Variants in PTPRK observed in about 807,000 individuals in gnomAD.
The protein encoded by PTPRK is protein tyrosine phosphatase receptor type K.
In PTPRK, 75 loss-of-function variants were observed where a neutral mutation model predicts 178.0. The observed-to-expected ratio is 0.42, with a 90% CI of 0.35 to 0.51. The LOEUF is 0.51. Ranked by LOEUF, PTPRK falls within the 20% of genes least tolerant of loss-of-function variation. PTPRK has a pLI of 0.02. For missense variants in PTPRK, 1,441 were observed against 1,797.8 expected, an observed-to-expected ratio of 0.80 and a Z score of 3.59; for synonymous variants, 637 against 620.6, an observed-to-expected ratio of 1.03 and a Z score of -0.39.
intron 2 of PTPRK, among the ~76,000 whole-genome samples, chr6:128,347,347 C>A (rs564721935): frequency 6.6e-6 from 1 of 152,048 alleles, no homozygotes; most frequent in Non-Finnish European, 1.5e-5. Flanking sequence ...CTATTTATAC[C>A]TTCTCTCTTA....
At chr6:127,975,775 G>A (rs537003914) in intron 27 of PTPRK, among the ~76,000 whole-genome samples, 5 of 152,110 alleles carry the variant, frequency 3.3e-5, no homozygotes, top group African/African-American at 4.8e-5. Flanking sequence ...GGGTTCAAAT[G>A]ATTCTGCTGC....
chr6:128,106,576 C>T (rs1475153708), intron 7 of PTPRK, among the ~76,000 whole-genome samples: 1 of 151,544 alleles, frequency 6.6e-6, no homozygotes, highest in Non-Finnish European at 1.5e-5. Context: ...GAAAACTACA[C>T]AAAAGAATAG....
At chr6:128,057,101 T>A (rs1448470433) in intron 13 of PTPRK, among the ~76,000 whole-genome samples, 1 of 152,206 alleles carries the variant, frequency 6.6e-6, no homozygotes, top group Non-Finnish European at 1.5e-5. Context: ...GTCCTTAAAT[T>A]ATCCCTCAGA....
At chr6:128,034,061 C>G (rs1055077608) in intron 13 of PTPRK, among the ~76,000 whole-genome samples, 3 of 152,176 alleles carry the variant, frequency 2.0e-5, no homozygotes, top group African/African-American at 7.2e-5. Flanking sequence ...CTTCTTGAAT[C>G]CAGACTGGTC....
intron 4 of PTPRK, among the ~76,000 whole-genome samples, chr6:128,242,238 C>A (rs374044179): frequency 1.3e-3 from 195 of 152,180 alleles, no homozygotes; most frequent in Non-Finnish European, 2.4e-3. Flanking sequence ...AAAAAATGAA[C>A]AAGTCCTACT....
At chr6:128,468,112 G>A (rs541861723) in intron 1 of PTPRK, among the ~76,000 whole-genome samples, 78 of 152,228 alleles carry the variant, frequency 5.1e-4, no homozygotes, top group Non-Finnish European at 9.3e-4. Flanking sequence ...CTCGCACAAC[G>A]CGTGGCAATT....
intron 1 of PTPRK, among the ~76,000 whole-genome samples, chr6:128,518,038 A>G (rs1858353270): frequency 6.6e-6 from 1 of 152,228 alleles, no homozygotes; most frequent in African/African-American, 2.4e-5. Flanking sequence ...AGCCAGAAAA[A>G]AAAGGAAGTA....
chr6:128,478,118 G>C (rs1851600722), intron 1 of PTPRK, among the ~76,000 whole-genome samples: 1 of 152,136 alleles, frequency 6.6e-6, no homozygotes, highest in Non-Finnish European at 1.5e-5. Flanking sequence ...TTTGGAGATA[G>C]TGTTCTGATA....
chr6:128,280,215 T>C (rs1431938835), intron 3 of PTPRK, among the ~76,000 whole-genome samples: 1 of 152,144 alleles, frequency 6.6e-6, no homozygotes, highest in Non-Finnish European at 1.5e-5. Flanking sequence ...ATCAAGCTTC[T>C]TGGTAACCAG....
chr6:127,999,807 C>T (rs1411830872), intron 15 of PTPRK: 1 of 275,226 alleles, frequency 3.6e-6, no homozygotes, highest in Non-Finnish European at 5.5e-6. Context: ...ATTCCTAGTG[C>T]CTGATGCATA....
rs977644978 is a variant in PTPRK, at chr6:128,089,675, A to G, written c.1465+15T>C. ...AGAGAATTCCCCCCTTTTAAACAGC[A>G]AAGTATGAGCATACCATCTTCATCA... On this transcript the variant is annotated intron_variant, in intron 8 of 29. Coordinates refer to ENST00000368226, the MANE Select transcript of PTPRK (RefSeq NM_002844.4). 6 of 1,586,856 alleles carry G rather than the reference A, an allele frequency of 3.8e-6. No individual in the cohort carries two copies. Among genetic ancestry groups the G allele is most frequent in the Non-Finnish European group, 5.2e-6 (6 of 1,155,978 alleles).
intron 10 of PTPRK, among the ~76,000 whole-genome samples, chr6:128,080,341 C>T (rs1006840629): frequency 4.6e-5 from 7 of 151,846 alleles, no homozygotes; most frequent in South Asian, 2.1e-4. Flanking sequence ...GACTTCATCC[C>T]GCTGATTATA....
intron 1 of PTPRK, among the ~76,000 whole-genome samples, chr6:128,409,122 G>T (rs73589563): frequency 0.027 from 4,052 of 152,234 alleles, 164 homozygotes; most frequent in African/African-American, 0.093. Flanking sequence ...CAATTTAGTG[G>T]ATTAAGAAAA....
In PTPRK at chr6:128,322,110, T is replaced by C. The variant is rs771903608; in HGVS notation, c.424A>G (p.Thr142Ala). The change falls in exon 3 of 30, where the codon ACT (threonine) becomes GCT (alanine). Residue 142 changes from threonine (T) to alanine (A), a missense_variant. Around this residue, in one of 4 missense-constraint regions of PTPRK, gnomAD observed 158 missense variants for 188.0 expected, o/e 0.84. Transcript: ENST00000368226. ...GPLANPIWNV[T>A]GFTGRDWLRA... ...AGCCAATCTCTACCCGTGAATCCAG[T>C]CACATTCCAAATTGGATTGGCAAGA... is the stretch of plus-strand genomic sequence containing the variant. 7 of 1,613,946 alleles carry C rather than the reference T, an allele frequency of 4.3e-6. 1 individual carries two copies. In the South Asian group the frequency reaches 5.5e-5, roughly 13 times the overall value.
chr6:128,396,970 C>A (rs1202041692), intron 2 of PTPRK, among the ~76,000 whole-genome samples: 1 of 152,140 alleles, frequency 6.6e-6, no homozygotes, highest in South Asian at 2.1e-4. Flanking sequence ...TGCATTCCAG[C>A]CTGGGTGACA....
chr6:128,198,542 C>T (rs141604633), intron 6 of PTPRK, among the ~76,000 whole-genome samples: 3,097 of 152,156 alleles, frequency 0.02, 64 homozygotes, highest in African/African-American at 0.052. Context: ...TTGATGGGTG[C>T]AGCAAACCAC....
chr6:128,496,391 TTATTATA>T (rs1854666471), intron 1 of PTPRK, among the ~76,000 whole-genome samples: 1 of 152,204 alleles, frequency 6.6e-6, no homozygotes, highest in African/African-American at 2.4e-5. Flanking sequence ...CCACCTCTGA[TTATTATA>T]TATTATATCT....
intron 11 of PTPRK, among the ~76,000 whole-genome samples, chr6:128,072,721 T>A (rs1416516291): frequency 6.6e-6 from 1 of 152,062 alleles, no homozygotes; most frequent in South Asian, 2.1e-4. Flanking sequence ...ATTTCTGCCT[T>A]TCTTGTCTAG....
intron 3 of PTPRK, among the ~76,000 whole-genome samples, chr6:128,310,747 A>G (rs1244396630): frequency 6.6e-6 from 1 of 152,218 alleles, no homozygotes; most frequent in African/African-American, 2.4e-5. Flanking sequence ...ACTGGGCTGC[A>G]TTAAAACCAG....
Sources: gnomAD v4.1 joint callset for allele counts (sites outside exome capture counted in the v4.1 genomes callset) on GRCh38, gnomAD v4.1.1 for gene constraint, gnomAD v4.1.1 regional missense constraint, MANE v1.5 for transcripts, NCBI Gene and HGNC (gene_info 2026-07-23, HGNC 2026-07-21) for gene names.